The following TMEM117 variants were observed in gnomAD, a reference collection of about 807,000 sequenced individuals.
TMEM117 encodes the protein transmembrane protein 117.
A neutral mutation model predicts 52.4 loss-of-function variants in TMEM117; 27 were observed. The observed-to-expected ratio is 0.51, with a 90% CI of 0.38 to 0.71. TMEM117 has a LOEUF of 0.71. TMEM117 is among the 30% of genes least tolerant of loss of function. The pLI is 0.00. For synonymous variants in TMEM117, 215 were observed against 206.3 expected (o/e 1.04, Z -0.36); for missense variants, 556 against 630.5 (o/e 0.88, Z 1.26).
intron 3 of TMEM117, among the ~76,000 whole-genome samples, chr12:43,976,946 G>A (rs1945680650): frequency 6.6e-6 from 1 of 152,094 alleles, no homozygotes; most frequent in Non-Finnish European, 1.5e-5. Context: ...GTATTACTTG[G>A]CACCTCAGTT....
chr12:44,192,320 T>G (rs1949365820), intron 4 of TMEM117, among the ~76,000 whole-genome samples: 1 of 152,176 alleles, frequency 6.6e-6, no homozygotes, highest in Non-Finnish European at 1.5e-5. Flanking sequence ...CAGGACCTAC[T>G]GGATGCTTAC....
intron 3 of TMEM117, among the ~76,000 whole-genome samples, chr12:44,035,353 T>G (rs1035974823): frequency 6.6e-6 from 1 of 152,248 alleles, no homozygotes; most frequent in Admixed American, 6.5e-5. Flanking sequence ...ATATCTTTAT[T>G]CATTCATTTA....
chr12:44,119,509 C>T (rs1315173011), intron 3 of TMEM117, among the ~76,000 whole-genome samples: 3 of 152,164 alleles, frequency 2.0e-5, no homozygotes, highest in African/African-American at 7.2e-5. Context: ...TCCTATCTAT[C>T]CAAAGGTACT....
chr12:44,208,613 C>T (rs1949602160), intron 4 of TMEM117, among the ~76,000 whole-genome samples: 1 of 151,788 alleles, frequency 6.6e-6, no homozygotes, highest in Admixed American at 6.6e-5. Context: ...ACTGTCTCTG[C>T]TTCTGCCAAT....
chr12:44,123,378 C>T (rs568029943), intron 3 of TMEM117, among the ~76,000 whole-genome samples: 20 of 152,024 alleles, frequency 1.3e-4, no homozygotes, highest in Non-Finnish European at 2.4e-4. Context: ...ATTTCCTTTG[C>T]GGTGCAGAAG....
chr12:43,807,697 T>A, the TMEM117 span, among the ~76,000 whole-genome samples: 1 of 152,092 alleles, frequency 6.6e-6, no homozygotes, highest in African/African-American at 2.4e-5. Flanking sequence ...GAAAGGCCAC[T>A]GTATTCTCAG....
chr12:43,806,696 G>T, the TMEM117 span, among the ~76,000 whole-genome samples: 1 of 152,074 alleles, frequency 6.6e-6, no homozygotes, highest in Non-Finnish European at 1.5e-5. Flanking sequence ...TATTTTTCTT[G>T]GTTTACTCTT....
chr12:44,210,239 C>T (rs566875829), intron 4 of TMEM117, among the ~76,000 whole-genome samples: 4 of 152,132 alleles, frequency 2.6e-5, no homozygotes, highest in Admixed American at 6.6e-5. Context: ...GGCAGATTTT[C>T]TGGGAGTGGA....
At chr12:44,021,837 G>A (rs1946460246) in intron 3 of TMEM117, among the ~76,000 whole-genome samples, 1 of 152,124 alleles carries the variant, frequency 6.6e-6, no homozygotes, top group African/African-American at 2.4e-5. Context: ...CACTGTCTCT[G>A]GAAGTACTCT....
At chr12:43,992,138 A>G (rs960583097) in intron 3 of TMEM117, among the ~76,000 whole-genome samples, 2 of 151,484 alleles carry the variant, frequency 1.3e-5, no homozygotes, top group Non-Finnish European at 1.5e-5. Context: ...ACTCCAGTAC[A>G]CTCCAGTCTG....
the TMEM117 span, among the ~76,000 whole-genome samples, chr12:43,821,275 T>C: frequency 6.6e-6 from 1 of 152,078 alleles, no homozygotes; most frequent in Non-Finnish European, 1.5e-5. Flanking sequence ...TTAGCAAAAA[T>C]ACACATAAGC....
At chr12:44,026,379 C>T (rs1372543817) in intron 3 of TMEM117, among the ~76,000 whole-genome samples, 1 of 152,164 alleles carries the variant, frequency 6.6e-6, no homozygotes, top group Non-Finnish European at 1.5e-5. Context: ...AAGACCTTTG[C>T]ACATGCTGGC....
intron 2 of TMEM117, among the ~76,000 whole-genome samples, chr12:43,917,022 G>A (rs917804307): frequency 3.4e-5 from 5 of 148,842 alleles, no homozygotes; most frequent in East Asian, 2.1e-4. Flanking sequence ...ATTTATTTAC[G>A]GCCTCCCTAT....
chr12:44,152,763 T>TAATATA (rs1948769179), intron 4 of TMEM117, among the ~76,000 whole-genome samples: 1 of 140,058 alleles, frequency 7.1e-6, no homozygotes, highest in Non-Finnish European at 1.5e-5. Context: ...ATAATGTATA[T>TAATATA]AATATAAATA....
At chr12:44,259,944 C>T (rs1015717966) in intron 5 of TMEM117, among the ~76,000 whole-genome samples, 24 of 151,974 alleles carry the variant, frequency 1.6e-4, no homozygotes, top group Admixed American at 1.4e-3. Flanking sequence ...TTTTAAAAAC[C>T]GCCATGAAAA....
At chr12:44,068,627 G>A (rs1304245531) in intron 3 of TMEM117, among the ~76,000 whole-genome samples, 3 of 152,108 alleles carry the variant, frequency 2.0e-5, no homozygotes, top group Non-Finnish European at 4.4e-5. Flanking sequence ...TTCTTAAATA[G>A]GTGTGGTTTG....
intron 3 of TMEM117, among the ~76,000 whole-genome samples, chr12:44,027,106 T>C (rs1592452565): frequency 7.0e-6 from 1 of 142,260 alleles, no homozygotes; most frequent in African/African-American, 2.7e-5. Flanking sequence ...TTTATTTTAT[T>C]TTATTTTATC....
chr12:44,301,193 CTGTT>C (rs1383594184), intron 6 of TMEM117, among the ~76,000 whole-genome samples: 8 of 152,246 alleles, frequency 5.3e-5, no homozygotes, highest in East Asian at 1.9e-4. Flanking sequence ...TGCTTCTACT[CTGTT>C]TGTGTAAGTT....
chr12:44,228,106 T>A (rs753972533), intron 5 of TMEM117, among the ~76,000 whole-genome samples: 2 of 151,678 alleles, frequency 1.3e-5, no homozygotes, highest in African/African-American at 2.4e-5. Context: ...GGTGAAAAAA[T>A]TTTGTTCTAA....
Sources: allele counts gnomAD v4.1 joint callset (sites outside exome capture counted in the v4.1 genomes callset), GRCh38; gene constraint gnomAD v4.1.1; transcripts MANE v1.5; gene names NCBI Gene and HGNC (gene_info 2026-07-23, HGNC 2026-07-21).